Variants in INTS9 observed in about 807,000 individuals in gnomAD.
INTS9 encodes the protein protein related to CPSF subunits of 74 kDa.
In INTS9, 55 loss-of-function variants were observed where a neutral mutation model predicts 79.7. The observed-to-expected ratio is 0.69, with a 90% confidence interval of 0.56 to 0.86. The LOEUF (loss-of-function observed/expected upper bound fraction) is 0.86, where lower values mean the gene tolerates loss of function less well. INTS9 is among the 40% of genes least tolerant of loss of function. The pLI, the probability that INTS9 is intolerant of heterozygous loss-of-function variation, is 0.00. For missense variants in INTS9, 721 were observed against 831.5 expected, an observed-to-expected ratio of 0.87 and a Z score of 1.64; for synonymous variants, 319 against 325.2, an observed-to-expected ratio of 0.98 and a Z score of 0.20.
chr8:28,793,787 A>C lies in INTS9; in HGVS notation c.1037+20T>G. The C allele has an allele frequency of 2.0e-6, 3 of 1,528,130 alleles. No homozygotes were observed. The highest frequency in any genetic ancestry group is 2.6e-6 in the Non-Finnish European group (3 of 1,136,718). The allele number at this position is 1,528,130 out of a possible 1,614,324, so 94.7% of individuals were successfully genotyped here. On this transcript the variant is annotated intron_variant, in intron 10 of 16. Transcript: ENST00000521022. The stretch of plus-strand genomic sequence containing the variant: ...GAATCAAATAAAATTCACAAAAAAA[A>C]AAAAAAACCACGGACATACCACTCA...
intron 6 of INTS9, among the ~76,000 whole-genome samples, chr8:28,827,209 A>G (rs145856882): frequency 5.3e-4 from 80 of 152,344 alleles, no homozygotes; most frequent in African/African-American, 1.9e-3. Context: ...TAAATGTTTC[A>G]TAAGTACTTT....
intron 8 of INTS9, among the ~76,000 whole-genome samples, chr8:28,809,115 T>G (rs1447104015): frequency 1.3e-5 from 2 of 151,748 alleles, no homozygotes; most frequent in Non-Finnish European, 1.5e-5. Flanking sequence ...GCACCTGGCT[T>G]TTTTTTATTT....
At chr8:28,769,856 G>A (rs1173285660) in intron 16 of INTS9, 33 bp downstream of exon 16, 2 of 1,610,970 alleles carry the variant, frequency 1.2e-6, no homozygotes, top group East Asian at 2.2e-5. Context: ...TGCCACGTGT[G>A]GAGTTTTCAC....
intron 6 of INTS9, among the ~76,000 whole-genome samples, chr8:28,832,678 C>T (rs565749622): frequency 5.3e-5 from 8 of 152,246 alleles, no homozygotes; most frequent in African/African-American, 1.9e-4. Flanking sequence ...AAAGTAATAA[C>T]ACTGCCTGGG....
At chr8:28,843,955 T>C (rs762297353) in intron 4 of INTS9, among the ~76,000 whole-genome samples, 1 of 152,202 alleles carries the variant, frequency 6.6e-6, no homozygotes, top group Non-Finnish European at 1.5e-5. Flanking sequence ...TTTATGGTAC[T>C]GCATGAAGCA....
At chr8:28,793,247 C>T (rs1199758408) in intron 10 of INTS9, among the ~76,000 whole-genome samples, 1 of 152,140 alleles carries the variant, frequency 6.6e-6, no homozygotes, top group Non-Finnish European at 1.5e-5. Context: ...TTATTTTCCT[C>T]TTCTCCCTTT....
At chr8:28,869,094 CA>C (rs1010675925) in intron 1 of INTS9, among the ~76,000 whole-genome samples, 39 of 140,314 alleles carry the variant, frequency 2.8e-4, no homozygotes, top group East Asian at 4.1e-4. Context: ...ACTTCTGTCT[CA>C]AAAAAAAAAA....
intron 10 of INTS9, 63 bp from the exon 11 acceptor site, chr8:28,787,952 C>CG: frequency 2.8e-6 from 3 of 1,087,230 alleles, no homozygotes; most frequent in African/African-American, 1.5e-5. Context: ...CTGTTGCCAC[C>CG]TAGTGGCAGC....
chr8:28,807,489 T>C (rs1253970006), intron 8 of INTS9, among the ~76,000 whole-genome samples: 2 of 152,156 alleles, frequency 1.3e-5, no homozygotes, highest in African/African-American at 4.8e-5. Flanking sequence ...CAATAAAATA[T>C]TCACCAACTC....
At position 28,782,507 on chromosome 8, in the gene INTS9, T is replaced by C. The variant is rs114217465; in HGVS notation, c.1099-1513A>G. On this transcript the variant is annotated intron_variant, in intron 11 of 16. Transcript: ENST00000521022. ...TTGCTACTAGAGAAGCTTCTCTGAA[T>C]GTGTACAGCATGTGGACATGTGTGC... Among the ~76,000 whole-genome samples, 1,325 of 152,352 alleles carry C rather than the reference T, an allele frequency of 8.7e-3. 23 individuals carry two copies. Among genetic ancestry groups the C allele is most frequent in the African/African-American group, 0.031 (1,274 of 41,580 alleles).
intron 6 of INTS9, among the ~76,000 whole-genome samples, chr8:28,817,001 GT>G (rs1414311028): frequency 6.0e-5 from 9 of 148,906 alleles, no homozygotes; most frequent in South Asian, 2.2e-4. Flanking sequence ...TGATGGGGTT[GT>G]TTGTTTTTTT....
intron 6 of INTS9, among the ~76,000 whole-genome samples, chr8:28,824,862 A>G (rs1806056010): frequency 6.6e-6 from 1 of 152,194 alleles, no homozygotes; most frequent in Non-Finnish European, 1.5e-5. Flanking sequence ...TAAAATGGAG[A>G]GAATACTACC....
At chr8:28,881,514 C>A (rs1809807238) in intron 1 of INTS9, among the ~76,000 whole-genome samples, 2 of 137,892 alleles carry the variant, frequency 1.5e-5, no homozygotes, top group African/African-American at 5.4e-5. Flanking sequence ...GCCGCCCCGT[C>A]CGGGAGGGAG....
intron 14 of INTS9, among the ~76,000 whole-genome samples, chr8:28,771,861 A>G (rs1802559477): frequency 6.6e-6 from 1 of 151,782 alleles, no homozygotes; most frequent in African/African-American, 2.4e-5. Flanking sequence ...ACGACTCTGA[A>G]GGAGTCTTTT....
intron 6 of INTS9, among the ~76,000 whole-genome samples, chr8:28,815,817 A>C (rs1231213958): frequency 6.6e-6 from 1 of 152,216 alleles, no homozygotes; most frequent in East Asian, 1.9e-4. Flanking sequence ...ATTAACACTC[A>C]TAATATTCAA....
intron 4 of INTS9, among the ~76,000 whole-genome samples, chr8:28,839,517 A>G (rs1424157298): frequency 6.6e-6 from 1 of 152,352 alleles, no homozygotes; most frequent in East Asian, 1.9e-4. Context: ...AGCTGGAGGC[A>G]TCATGCTACC....
intron 10 of INTS9, 78 bp downstream of exon 10, chr8:28,793,729 G>C: frequency 8.1e-7 from 1 of 1,242,138 alleles, no homozygotes; most frequent in Non-Finnish European, 1.1e-6. Context: ...AGAAAAAACA[G>C]GATTATTTTT....
chr8:28,863,740 C>G (rs968302830), intron 1 of INTS9, among the ~76,000 whole-genome samples: 3 of 152,154 alleles, frequency 2.0e-5, no homozygotes, highest in Non-Finnish European at 4.4e-5. Context: ...TGAGATCACG[C>G]CACTGCACAC....
At chr8:28,835,163 T>C in intron 6 of INTS9, 129 bp downstream of exon 6, 1 of 630,338 alleles carries the variant, frequency 1.6e-6, no homozygotes, top group Admixed American at 3.2e-5. Context: ...CCCTTTCATG[T>C]ATTAGGAAAA....
Sources: allele counts gnomAD v4.1 joint callset (sites outside exome capture counted in the v4.1 genomes callset), GRCh38; gene constraint gnomAD v4.1.1; transcripts MANE v1.5; gene names NCBI Gene and HGNC (gene_info 2026-07-23, HGNC 2026-07-21).